The following CCDC28A variants were observed in gnomAD, a reference collection of about 807,000 sequenced individuals.
The protein encoded by CCDC28A is coiled-coil domain containing 28A, also known as coiled-coil domain-containing protein 28A.
A neutral mutation model predicts 22.1 loss-of-function variants in CCDC28A; 24 were observed. The observed-to-expected ratio is 1.09, with a 90% CI of 0.79 to 1.53. CCDC28A has a LOEUF of 1.53. Among genes scored for constraint, CCDC28A ranks in the 40% most tolerant of loss-of-function variants. The pLI, the probability that CCDC28A is intolerant of heterozygous loss-of-function variation, is 0.00. For synonymous variants in CCDC28A, 83 were observed against 74.7 expected (o/e 1.11, Z -0.57); for missense variants, 170 against 210.7 (o/e 0.81, Z 1.20).
rs553505111 is a variant in CCDC28A at position 138,783,729 on chromosome 6, C to T, written c.323-1498C>T. ...CTGGGATTACAGGCGTGAGCCACCG[C>T]GCCTGGCCTTGTATTTTTTATAGAG... On this transcript the variant is annotated intron_variant, in intron 3 of 5. Transcript: ENST00000617445. Among the ~76,000 whole-genome samples the T allele has an allele frequency of 1.7e-4, 26 of 151,824 alleles. 1 individual carries two copies. In the South Asian group the frequency reaches 4.4e-3, roughly 25 times the overall value.
At chr6:138,781,331 T>G (rs1180746807) in intron 3 of CCDC28A, among the ~76,000 whole-genome samples, 6 of 152,248 alleles carry the variant, frequency 3.9e-5, no homozygotes, top group Non-Finnish European at 7.3e-5. Flanking sequence ...GGCATTACTT[T>G]GTTTCTCATT....
At chr6:138,782,262 A>T (rs1775032917) in intron 3 of CCDC28A, among the ~76,000 whole-genome samples, 2 of 152,334 alleles carry the variant, frequency 1.3e-5, no homozygotes, top group East Asian at 1.9e-4. Context: ...TTCCATTGCC[A>T]GTCAGAGTCT....
In CCDC28A at chr6:138,773,890, CCTT is replaced by C. The variant is rs1169005634; in HGVS notation, c.-47_-45del. ...GGGTTGCGGAAGGGGGCCCCAATAC[CCTT>C]CTTCTTCAGGTATGTAGTGGAAGCA... is the stretch of plus-strand genomic sequence containing the variant. On this transcript the variant is annotated 5_prime_UTR_variant, in exon 1 of 6. Transcript: ENST00000617445. The C allele has an allele frequency of 1.2e-6, 2 of 1,613,310 alleles. No homozygotes were observed. The highest frequency in any genetic ancestry group is 1.7e-6 in the Non-Finnish European group (2 of 1,180,010).
At chr6:138,792,283 C>T (rs1486393321) in intron 5 of CCDC28A, among the ~76,000 whole-genome samples, 1 of 152,112 alleles carries the variant, frequency 6.6e-6, no homozygotes, top group East Asian at 1.9e-4. Flanking sequence ...AATCCCAGCA[C>T]TTTGGGAGGC....
At chr6:138,788,416 A>G (rs1257500804) in intron 5 of CCDC28A, 28 bp downstream of exon 5, 4 of 1,162,036 alleles carry the variant, frequency 3.4e-6, no homozygotes, top group Non-Finnish European at 4.8e-6. Flanking sequence ...TCAACAGTGA[A>G]AAGTTTACAA....
intron 1 of CCDC28A, among the ~76,000 whole-genome samples, chr6:138,774,981 T>C (rs567333861): frequency 1.3e-5 from 2 of 148,298 alleles, no homozygotes; most frequent in East Asian, 1.9e-4. Context: ...TGAGACGGAG[T>C]CTCGCTCTGT....
In CCDC28A at chr6:138,782,953, T is replaced by G. The variant is rs1036611479; in HGVS notation, c.323-2274T>G. 2.0e-5 allele frequency among the ~76,000 whole-genome samples: 3 copies of G among 152,166 alleles called. No individual in the cohort carries two copies. In the East Asian group the frequency reaches 5.8e-4, roughly 29 times the overall value. ...TAGGAAAAACAGAAAGGTTTTTTTT[T>G]TAAAAAATTCTACTATCAAGGGATT... On this transcript the variant is annotated intron_variant, in intron 3 of 5. Coordinates refer to ENST00000617445, the MANE Select transcript of CCDC28A (RefSeq NM_015439.3).
rs566883124 is a variant in CCDC28A, at chr6:138,783,760, G to A, written c.323-1467G>A. 2.5e-3 allele frequency among the ~76,000 whole-genome samples: 373 copies of A among 150,594 alleles called. 1 individual carries two copies. Among genetic ancestry groups the A allele is most frequent in the African/African-American group, 8.8e-3 (360 of 40,976 alleles). The stretch of plus-strand genomic sequence containing the variant: ...GCCTTGTATTTTTTATAGAGATGAG[G>A]TTTCACCATGTTTCACAGATTGGTC... On this transcript the variant is annotated intron_variant, in intron 3 of 5. Transcript: ENST00000617445.
At chr6:138,790,611 G>A (rs566564078) in intron 5 of CCDC28A, among the ~76,000 whole-genome samples, 5 of 152,248 alleles carry the variant, frequency 3.3e-5, no homozygotes, top group African/African-American at 7.2e-5. Flanking sequence ...GTAGGCAGCC[G>A]TATAACCTTG....
In CCDC28A at chr6:138,788,568, C is replaced by CTTTTTTTTTTT. The variant is rs3070099; in HGVS notation, c.500+193_500+203dup. On this transcript the variant is annotated intron_variant, in intron 5 of 5. Coordinates refer to ENST00000617445, the MANE Select transcript of CCDC28A (RefSeq NM_015439.3). ...TTCTTTTCTTTCTCTTTTTTCTTTT[C>CTTTTTTTTTTT]TTTTTTTTTTTTTTTTTTTTTTTCA... Among the ~76,000 whole-genome samples the CTTTTTTTTTTT allele has an allele frequency of 7.3e-4, 68 of 92,974 alleles. 3 individuals are homozygous for CTTTTTTTTTTT. Among genetic ancestry groups the CTTTTTTTTTTT allele is most frequent in the African/African-American group, 2.1e-3 (41 of 19,584 alleles). The allele number at this position is 92,974 out of a possible 152,430, so 61.0% of individuals were successfully genotyped here.
chr6:138,774,919 A>G (rs1370879471), intron 1 of CCDC28A, among the ~76,000 whole-genome samples: 1 of 150,658 alleles, frequency 6.6e-6, no homozygotes, highest in Admixed American at 6.6e-5. Context: ...ATGCACAAAT[A>G]AAGTATGGAA....
intron 3 of CCDC28A, among the ~76,000 whole-genome samples, chr6:138,783,353 G>A (rs1436501491): frequency 4.2e-5 from 6 of 143,078 alleles, no homozygotes; most frequent in Non-Finnish European, 7.5e-5. Context: ...CTGCAGCCTC[G>A]GCCTCCTTGA....
At position 138,773,872 on chromosome 6, in the gene CCDC28A, G is replaced by A. The variant is rs757133896; in HGVS notation, c.-73G>A. On this transcript the variant is annotated 5_prime_UTR_variant, in exon 1 of 6. Coordinates refer to ENST00000617445, the MANE Select transcript of CCDC28A (RefSeq NM_015439.3). The stretch of plus-strand genomic sequence containing the variant: ...AGGCTGTCGGGTCTTTGCGGGTTGC[G>A]GAAGGGGGCCCCAATACCCTTCTTC... 12 of 1,613,826 alleles carry A rather than the reference G, an allele frequency of 7.4e-6. No individual in the cohort carries two copies. The Admixed American group carries it at 2.0e-4, about 27-fold the overall frequency.
intron 5 of CCDC28A, among the ~76,000 whole-genome samples, chr6:138,791,374 G>C (rs899634532): frequency 6.6e-6 from 1 of 152,004 alleles, no homozygotes. Flanking sequence ...GAGTCACCAC[G>C]CCCAGCCTGC....
rs3830932 is a variant in CCDC28A at position 138,792,732 on chromosome 6, T to TTAAC, written c.501-15_501-12dup. On this transcript the variant is annotated splice_polypyrimidine_tract_variant and intron_variant, in intron 5 of 5. Coordinates refer to ENST00000617445, the MANE Select transcript of CCDC28A (RefSeq NM_015439.3). ...TACCCCTTATAGAATGAAAATCTTC[T>TTAAC]TAACTGATTAATTCAGACAAAAACT... 0.17 allele frequency: 269,110 copies of TTAAC among 1,539,860 alleles called. 25,047 individuals carry two copies. The highest frequency in any genetic ancestry group is 0.21 in the Middle Eastern group (1,009 of 4,854).
At chr6:138,787,588 AT>A (rs199977356) in intron 4 of CCDC28A, among the ~76,000 whole-genome samples, 8 of 151,734 alleles carry the variant, frequency 5.3e-5, no homozygotes, top group African/African-American at 1.2e-4. Context: ...TAAAATGGCA[AT>A]TTTTTTTCTT....
intron 5 of CCDC28A, 102 bp downstream of exon 5, chr6:138,788,490 G>C (rs895311996): frequency 1.7e-5 from 9 of 529,646 alleles, no homozygotes; most frequent in Non-Finnish European, 3.0e-5. Flanking sequence ...AGATATGGTG[G>C]AAAAAAGACA....
intron 5 of CCDC28A, among the ~76,000 whole-genome samples, chr6:138,789,937 T>G (rs1775145901): frequency 6.6e-6 from 1 of 152,180 alleles, no homozygotes; most frequent in South Asian, 2.1e-4. Flanking sequence ...GTGGGTGGTG[T>G]TATGCCCCCC....
intron 5 of CCDC28A, among the ~76,000 whole-genome samples, chr6:138,790,441 C>T (rs532018183): frequency 6.6e-6 from 1 of 152,200 alleles, no homozygotes; most frequent in Non-Finnish European, 1.5e-5. Flanking sequence ...TTAGCCACCA[C>T]GCCCGGCCCT....
Sources: gnomAD v4.1 joint callset for allele counts (sites outside exome capture counted in the v4.1 genomes callset) on GRCh38, gnomAD v4.1.1 for gene constraint, MANE v1.5 for transcripts, NCBI Gene and HGNC (gene_info 2026-07-23, HGNC 2026-07-21) for gene names.